MYO3A: variants seen among roughly 807,000 people sequenced by gnomAD.
The protein encoded by MYO3A is myosin-IIIa.
A neutral mutation model predicts 192.7 loss-of-function variants in MYO3A; 180 were observed. The observed-to-expected ratio is 0.93, with a 90% CI of 0.83 to 1.06. MYO3A has a LOEUF of 1.06. MYO3A is among the 50% of genes least tolerant of loss of function. The pLI is 0.00. For synonymous variants in MYO3A, 628 were observed against 645.3 expected, an observed-to-expected ratio of 0.97 and a Z score of 0.41; for missense variants, 1,896 against 1,905.0, an observed-to-expected ratio of 1.00 and a Z score of 0.09.
intron 29 of MYO3A, 87 bp downstream of exon 29, chr10:26,170,626 G>A: frequency 4.2e-6 from 6 of 1,429,370 alleles, no homozygotes; most frequent in Non-Finnish European, 5.8e-6. Flanking sequence ...AGCCTTTCTT[G>A]TACTAGTCAG....
intron 6 of MYO3A, among the ~76,000 whole-genome samples, chr10:26,008,968 G>A (rs920615506): frequency 2.0e-5 from 3 of 151,676 alleles, no homozygotes. Flanking sequence ...GCAAAGACTT[G>A]GAACCAACCC....
intron 4 of MYO3A, among the ~76,000 whole-genome samples, chr10:25,961,426 AAAATGTTTTGGGAATATC>A (rs1156501463): frequency 4.6e-5 from 7 of 152,164 alleles, no homozygotes; most frequent in Non-Finnish European, 8.8e-5. Flanking sequence ...TGGATTGATT[AAAATGTTTTGGGAATATC>A]TTATAAGTAA....
At chr10:26,035,632 T>C (rs1842990184) in intron 10 of MYO3A, among the ~76,000 whole-genome samples, 1 of 152,192 alleles carries the variant, frequency 6.6e-6, no homozygotes, top group African/African-American at 2.4e-5. Context: ...ATTTTAGAGA[T>C]CAGGAAACTA....
intron 2 of MYO3A, among the ~76,000 whole-genome samples, chr10:25,947,066 T>C (rs1836889760): frequency 6.6e-6 from 1 of 151,980 alleles, no homozygotes; most frequent in Non-Finnish European, 1.5e-5. Context: ...TTGGTCTTGT[T>C]GGTGGCGTTC....
At chr10:25,995,162 T>G (rs1302713855) in intron 4 of MYO3A, among the ~76,000 whole-genome samples, 1 of 152,222 alleles carries the variant, frequency 6.6e-6, no homozygotes, top group African/African-American at 2.4e-5. Flanking sequence ...AGACGTAGAT[T>G]TGGTCTTTTC....
At chr10:26,206,065 ATT>A (rs746654545) in intron 34 of MYO3A, among the ~76,000 whole-genome samples, 42 of 141,586 alleles carry the variant, frequency 3.0e-4, no homozygotes, top group African/African-American at 7.0e-4. Flanking sequence ...CTGAGTGCAG[ATT>A]TTTTTTTTTT....
Position 26,016,858 on chromosome 10 carries a change from A to G in MYO3A, c.547A>G (p.Asn183Asp). ...AQLTSTRHRR[N>D]TSVGTPFWMA... ...GCTCACCAGTACCCGGCACCGTCGG[A>G]ACACATCCGTAGGAACACCGTTTTG... Residue 183 changes from asparagine to aspartate, a missense_variant, in exon 7 of 35, where the codon AAC (asparagine) becomes GAC (aspartate). Transcript: ENST00000642920. 3 of 1,614,222 alleles carry G rather than the reference A, an allele frequency of 1.9e-6. No individual in the cohort carries two copies. The highest frequency in any genetic ancestry group is 2.5e-6 in the Non-Finnish European group (3 of 1,180,032).
At chr10:26,206,802 A>G (rs888116454) in intron 34 of MYO3A, among the ~76,000 whole-genome samples, 1 of 152,202 alleles carries the variant, frequency 6.6e-6, no homozygotes, top group African/African-American at 2.4e-5. Flanking sequence ...GGTTGTACTA[A>G]TTCACATTCC....
Position 26,157,514 on chromosome 10 carries a change from C to A in MYO3A, c.2998C>A (p.Arg1000=). Reference sequence around the variant, plus strand: ...GATACTTTTTGCTAACTTTATAAAGCGGTATGTGGATTTCTTTTTCAGTTT... The same window carrying A: ...GATACTTTTTGCTAACTTTATAAAGAGGTATGTGGATTTCTTTTTCAGTTT... ...HRILFANFIK[R]YYLLCYKSSE... Residue 1000 remains arginine (R), a splice_region_variant and synonymous_variant, in exon 26 of 35, where the codon CGG becomes AGG. Transcript: ENST00000642920. 1 of 1,612,412 alleles carries A rather than the reference C, an allele frequency of 6.2e-7. No individual in the cohort carries two copies. The highest frequency in any genetic ancestry group is 8.5e-7 in the Non-Finnish European group (1 of 1,178,594).
At chr10:26,053,428 A>C (rs552965864) in intron 10 of MYO3A, among the ~76,000 whole-genome samples, 2 of 152,302 alleles carry the variant, frequency 1.3e-5, no homozygotes, top group East Asian at 1.9e-4. Flanking sequence ...AAAACAAAAC[A>C]AAACCTGTTT....
intron 20 of MYO3A, among the ~76,000 whole-genome samples, chr10:26,135,938 G>A (rs1372872922): frequency 7.2e-6 from 1 of 138,378 alleles, no homozygotes; most frequent in East Asian, 2.0e-4. Flanking sequence ...CTTCACTCCA[G>A]CCTGGGTGAA....
At chr10:26,060,981 T>C (rs1445290299) in intron 10 of MYO3A, among the ~76,000 whole-genome samples, 1 of 152,026 alleles carries the variant, frequency 6.6e-6, no homozygotes, top group Non-Finnish European at 1.5e-5. Flanking sequence ...CAGGCTGGAG[T>C]GCAGGGGTGC....
chr10:26,066,255 T>C (rs1834837882), intron 10 of MYO3A, among the ~76,000 whole-genome samples: 1 of 152,038 alleles, frequency 6.6e-6, no homozygotes, highest in Non-Finnish European at 1.5e-5. Context: ...TTAATAACCC[T>C]CATAATCTAT....
At chr10:26,077,232 G>GGTTTTTT (rs1835632663) in intron 14 of MYO3A, among the ~76,000 whole-genome samples, 3 of 35,810 alleles carry the variant, frequency 8.4e-5, no homozygotes, top group African/African-American at 3.0e-4. Context: ...ATATTCCTAA[G>GGTTTTTT]GTTTTTTTTT....
intron 10 of MYO3A, among the ~76,000 whole-genome samples, chr10:26,056,389 A>G (rs565638895): frequency 6.6e-6 from 1 of 152,334 alleles, no homozygotes; most frequent in East Asian, 1.9e-4. Context: ...CCAAGAGAAG[A>G]GAGGAGGAAA....
chr10:26,027,180 T>C lies in MYO3A; in HGVS notation c.953+648T>C, dbSNP rs149784207. 2.9e-4 allele frequency among the ~76,000 whole-genome samples: 44 copies of C among 152,374 alleles called. 1 individual carries two copies. In the East Asian group the frequency reaches 8.1e-3, roughly 28 times the overall value. On this transcript the variant is annotated intron_variant, in intron 10 of 34. Coordinates refer to ENST00000642920, the MANE Select transcript of MYO3A (RefSeq NM_017433.5). ...TTGTTCATTTTCCCTGGTTAAATTA[T>C]ATTTAAAGATCATTTTAAATATCTT...
intron 34 of MYO3A, among the ~76,000 whole-genome samples, chr10:26,210,694 A>G (rs1844183302): frequency 6.6e-6 from 1 of 152,118 alleles, no homozygotes; most frequent in South Asian, 2.1e-4. Context: ...TTATCTGAAC[A>G]CTAAATTATC....
At chr10:25,947,926 A>G (rs569392962) in intron 2 of MYO3A, among the ~76,000 whole-genome samples, 14 of 152,338 alleles carry the variant, frequency 9.2e-5, no homozygotes, top group Non-Finnish European at 2.9e-5. Flanking sequence ...AAAACAAAAC[A>G]TAATTACAGG....
At chr10:26,027,084 A>C (rs987583776) in intron 10 of MYO3A, among the ~76,000 whole-genome samples, 1 of 152,154 alleles carries the variant, frequency 6.6e-6, no homozygotes, top group African/African-American at 2.4e-5. Flanking sequence ...CTGCTTTTCT[A>C]TAAAGTAAGA....
Sources: allele counts gnomAD v4.1 joint callset (sites outside exome capture counted in the v4.1 genomes callset), GRCh38; gene constraint gnomAD v4.1.1; transcripts MANE v1.5; gene names NCBI Gene and HGNC (gene_info 2026-07-23, HGNC 2026-07-21).